Variants in S100Z observed in about 807,000 individuals in gnomAD.
S100Z encodes the protein protein S100-Z.
A neutral mutation model predicts 8.5 loss-of-function variants in S100Z; 11 were observed. That is an observed-to-expected ratio of 1.30 (90% CI 0.82 to 2.15). The LOEUF (loss-of-function observed/expected upper bound fraction) is 2.15. Among genes scored for constraint, S100Z ranks in the 30% most tolerant of loss-of-function variants. The pLI, the probability that S100Z is intolerant of heterozygous loss-of-function variation, is 0.00. For synonymous variants in S100Z, 34 were observed against 43.8 expected (o/e 0.78, Z 0.89); for missense variants, 126 against 117.9 (o/e 1.07, Z -0.32).
chr5:76,938,607 G>GT, the S100Z span, among the ~76,000 whole-genome samples: 1 of 152,184 alleles, frequency 6.6e-6, no homozygotes. Context: ...TAATTTATTA[G>GT]TTTTTTAATG....
intron 1 of S100Z, among the ~76,000 whole-genome samples, chr5:76,858,802 G>A (rs1465598791): frequency 6.6e-6 from 1 of 152,100 alleles, no homozygotes; most frequent in Non-Finnish European, 1.5e-5. Context: ...TTAACTTGGT[G>A]GATACACAGA....
chr5:76,853,881 A>G (rs1191342394), intron 1 of S100Z, among the ~76,000 whole-genome samples: 3 of 151,536 alleles, frequency 2.0e-5, no homozygotes, highest in African/African-American at 7.3e-5. Context: ...TGTAGTTCTC[A>G]TGAATGGGTT....
At chr5:76,906,528 T>A (rs752306177) in intron 4 of S100Z, among the ~76,000 whole-genome samples, 5 of 152,196 alleles carry the variant, frequency 3.3e-5, no homozygotes, top group Non-Finnish European at 5.9e-5. Flanking sequence ...AGTAATGCAG[T>A]ACTTGTCTTT....
intron 4 of S100Z, among the ~76,000 whole-genome samples, chr5:76,899,367 A>ACTTACTCCTACCATTTTGCTATTTTTT (rs1554038943): frequency 6.7e-6 from 1 of 148,722 alleles, no homozygotes; most frequent in Non-Finnish European, 1.5e-5. Context: ...CTAAGTAAGG[A>ACTTACTCCTACCATTTTGCTATTTTTT]CTTACTCCTA....
At chr5:76,888,028 C>T (rs62363095) in intron 4 of S100Z, among the ~76,000 whole-genome samples, 84,691 of 151,656 alleles carry the variant, frequency 0.56, 25,554 homozygotes, top group Non-Finnish European at 0.67. Flanking sequence ...GAGGCTGAGG[C>T]GGGTGGATCA....
At chr5:76,871,321 A>G (rs548262838) in intron 2 of S100Z, among the ~76,000 whole-genome samples, 34 of 152,146 alleles carry the variant, frequency 2.2e-4, no homozygotes, top group Non-Finnish European at 4.6e-4. Flanking sequence ...TTAACTAGGA[A>G]TTTGACACTT....
At chr5:76,939,164 T>C in the S100Z span, among the ~76,000 whole-genome samples, 1 of 138,142 alleles carries the variant, frequency 7.2e-6, no homozygotes, top group Non-Finnish European at 1.6e-5. Context: ...TTTTTTTTTT[T>C]CTTTTAGATA....
rs537707172 is a variant in S100Z, at chr5:76,889,024, G to A, written c.*2+11190G>A. 8.5e-5 allele frequency among the ~76,000 whole-genome samples: 13 copies of A among 152,282 alleles called. No individual in the cohort carries two copies. The South Asian group carries it at 2.5e-3, about 29-fold the overall frequency. ...TGCATATTAAGAGCCTAGGGTGGGA[G>A]GGCCAGCGTTTTTGGGGCTACCTGA... On this transcript the variant is annotated intron_variant, in intron 4 of 4. Transcript: ENST00000317593.
At chr5:76,881,251 G>C (rs1452725086) in intron 4 of S100Z, among the ~76,000 whole-genome samples, 1 of 152,148 alleles carries the variant, frequency 6.6e-6, no homozygotes, top group Non-Finnish European at 1.5e-5. Flanking sequence ...TTATTGGACT[G>C]TATAGAAGTG....
chr5:76,951,144 T>C, the S100Z span, among the ~76,000 whole-genome samples: 1 of 152,218 alleles, frequency 6.6e-6, no homozygotes, highest in Non-Finnish European at 1.5e-5. Flanking sequence ...CATCTTGTAC[T>C]ATAATTTGTG....
At position 76,903,002 on chromosome 5, in the gene S100Z, A is replaced by G. The variant is rs190581453; in HGVS notation, c.*3-17715A>G. Among the ~76,000 whole-genome samples the G allele has an allele frequency of 5.7e-3, 863 of 152,268 alleles. 4 individuals carry two copies. The highest frequency in any genetic ancestry group is 8.6e-3 in the Non-Finnish European group (587 of 68,026). On this transcript the variant is annotated intron_variant, in intron 4 of 4. Coordinates refer to ENST00000317593, the MANE Select transcript of S100Z (RefSeq NM_130772.4). ...GGAGTTCAAGACCAGCCTGGCCAAC[A>G]TGGCGAAACCCCATCTCTACTAAAA...
chr5:76,882,123 G>C (rs527371994), intron 4 of S100Z, among the ~76,000 whole-genome samples: 2 of 152,138 alleles, frequency 1.3e-5, no homozygotes, highest in Non-Finnish European at 1.5e-5. Context: ...GGTAGTGGAG[G>C]GGGGCAGAAA....
intron 1 of S100Z, among the ~76,000 whole-genome samples, chr5:76,853,727 G>T (rs572323226): frequency 1.2e-4 from 18 of 152,026 alleles, no homozygotes; most frequent in Admixed American, 8.5e-4. Context: ...AACCCAGGAG[G>T]CAGAGATTGC....
chr5:76,946,172 G>A, the S100Z span, among the ~76,000 whole-genome samples: 86 of 152,244 alleles, frequency 5.6e-4, no homozygotes, highest in East Asian at 3.5e-3. Flanking sequence ...GATTCACTGC[G>A]ATAATCTGGG....
At chr5:76,881,563 G>A (rs904191742) in intron 4 of S100Z, among the ~76,000 whole-genome samples, 1 of 152,174 alleles carries the variant, frequency 6.6e-6, no homozygotes, top group African/African-American at 2.4e-5. Flanking sequence ...TTCCATGATG[G>A]AAAGGAAATG....
At chr5:76,864,386 A>ATTTTTTTTTTTTTTTTTTTTTTTTTTTTT (rs56206322) in intron 1 of S100Z, among the ~76,000 whole-genome samples, 1 of 72,124 alleles carries the variant, frequency 1.4e-5, no homozygotes, top group African/African-American at 5.0e-5. Flanking sequence ...TGCATACTAT[A>ATTTTTTTTTTTTTTTTTTTTTTTTTTTTT]TTTTTTTTTT....
chr5:76,940,240 A>G, the S100Z span, among the ~76,000 whole-genome samples: 2 of 152,126 alleles, frequency 1.3e-5, no homozygotes, highest in Admixed American at 6.5e-5. Context: ...CAAAAAATGC[A>G]GAGAAGTCAA....
intron 3 of S100Z, among the ~76,000 whole-genome samples, chr5:76,877,279 G>A (rs1054538922): frequency 3.3e-5 from 5 of 152,050 alleles, no homozygotes; most frequent in Non-Finnish European, 5.9e-5. Flanking sequence ...AAAATGTTAC[G>A]CGATTTGCTC....
the S100Z span, among the ~76,000 whole-genome samples, chr5:76,937,709 C>T: frequency 3.0e-5 from 4 of 131,196 alleles, no homozygotes; most frequent in South Asian, 2.4e-4. Context: ...GCCATGATTG[C>T]GCAACTGCAC....
Sources: allele counts gnomAD v4.1 joint callset (sites outside exome capture counted in the v4.1 genomes callset), GRCh38; gene constraint gnomAD v4.1.1; transcripts MANE v1.5; gene names NCBI Gene and HGNC (gene_info 2026-07-23, HGNC 2026-07-21).